INPP4B: variants seen among roughly 807,000 people sequenced by gnomAD.
INPP4B encodes inositol polyphosphate-4-phosphatase type II B, also known as inositol polyphosphate 4-phosphatase type II.
Under a neutral mutation model 122.5 loss-of-function variants are expected in INPP4B, and 55 were observed. The ratio of observed to expected loss-of-function variants is 0.45; its 90% CI spans 0.36 to 0.56. The LOEUF (loss-of-function observed/expected upper bound fraction) is 0.56. Among genes scored for constraint, INPP4B ranks in the 20% least tolerant of loss-of-function variants. The probability of loss-of-function intolerance (pLI) is 0.00; values close to 1 mark genes in which losing one functional copy is unlikely to be tolerated. For missense variants in INPP4B, 1,000 were observed against 1,097.7 expected (o/e 0.91, Z 1.26); for synonymous variants, 403 against 388.7 (o/e 1.04, Z -0.43).
chr4:142,120,314 G>A (rs2152743306), intron 21 of INPP4B, among the ~76,000 whole-genome samples: 1 of 152,104 alleles, frequency 6.6e-6, no homozygotes, highest in Middle Eastern at 3.4e-3. Context: ...CAAAATGTCT[G>A]GGTCCTTTGC....
intron 2 of INPP4B, among the ~76,000 whole-genome samples, chr4:142,537,810 A>G (rs1260654553): frequency 4.6e-5 from 7 of 151,418 alleles, no homozygotes; most frequent in Non-Finnish European, 8.9e-5. Flanking sequence ...ATAAAAAGCA[A>G]CTTACCACAG....
intron 1 of INPP4B, among the ~76,000 whole-genome samples, chr4:142,782,518 A>G (rs1483904631): frequency 6.6e-6 from 1 of 151,800 alleles, no homozygotes; most frequent in African/African-American, 2.4e-5. Context: ...TGGCTGGGTC[A>G]AATGGTATTT....
chr4:142,765,260 C>T (rs1771939436), intron 1 of INPP4B, among the ~76,000 whole-genome samples: 1 of 152,076 alleles, frequency 6.6e-6, no homozygotes, highest in Admixed American at 6.6e-5. Flanking sequence ...GATCCAGAAG[C>T]ACAGGTGAGG....
At chr4:142,811,426 T>C (rs996428607) in intron 1 of INPP4B, among the ~76,000 whole-genome samples, 5 of 152,220 alleles carry the variant, frequency 3.3e-5, no homozygotes, top group Admixed American at 2.0e-4. Context: ...CCAGCCACCC[T>C]CCAACTGCAT....
chr4:142,189,382 G>A (rs567113510), intron 15 of INPP4B, among the ~76,000 whole-genome samples: 1 of 152,214 alleles, frequency 6.6e-6, no homozygotes, highest in East Asian at 1.9e-4. Flanking sequence ...TGTTGTATTT[G>A]ATCTATAGCA....
chr4:142,562,633 A>G (rs947487221), intron 2 of INPP4B, among the ~76,000 whole-genome samples: 9 of 152,158 alleles, frequency 5.9e-5, no homozygotes, highest in Non-Finnish European at 7.4e-5. Context: ...TCCAGTTCCC[A>G]ACAGGTTGCA....
At chr4:142,693,483 T>TAAAA (rs554003993) in intron 2 of INPP4B, among the ~76,000 whole-genome samples, 2 of 52,438 alleles carry the variant, frequency 3.8e-5, no homozygotes, top group Non-Finnish European at 6.6e-5. Context: ...TGCCTTTTTC[T>TAAAA]AAAAAAAAAA....
intron 1 of INPP4B, among the ~76,000 whole-genome samples, chr4:142,742,352 T>C (rs1011065105): frequency 3.9e-5 from 6 of 152,046 alleles, no homozygotes; most frequent in Admixed American, 1.3e-4. Context: ...ATTTTTAACT[T>C]GCAATTTTCC....
chr4:142,223,765 A>G (rs982514949), intron 12 of INPP4B, among the ~76,000 whole-genome samples: 1 of 152,202 alleles, frequency 6.6e-6, no homozygotes, highest in Non-Finnish European at 1.5e-5. Context: ...CATTGCATAA[A>G]GAAGAATGAA....
intron 2 of INPP4B, among the ~76,000 whole-genome samples, chr4:142,526,441 T>C (rs1413147910): frequency 1.3e-5 from 2 of 152,024 alleles, no homozygotes; most frequent in African/African-American, 4.8e-5. Context: ...CTCCCTTCAA[T>C]AACCTGTCAG....
At chr4:142,689,356 G>A (rs1759825293) in intron 2 of INPP4B, among the ~76,000 whole-genome samples, 1 of 152,078 alleles carries the variant, frequency 6.6e-6, no homozygotes, top group African/African-American at 2.4e-5. Flanking sequence ...TAATTTACAT[G>A]TTTGTTGGGT....
chr4:142,618,072 T>C (rs1487486896), intron 2 of INPP4B, among the ~76,000 whole-genome samples: 1 of 152,152 alleles, frequency 6.6e-6, no homozygotes, highest in Non-Finnish European at 1.5e-5. Flanking sequence ...TTTTATATAC[T>C]TCATGTGCTA....
At chr4:142,255,497 A>G (rs978592709) in intron 11 of INPP4B, among the ~76,000 whole-genome samples, 2 of 152,142 alleles carry the variant, frequency 1.3e-5, no homozygotes, top group Admixed American at 6.5e-5. Context: ...TCAAAATAAA[A>G]GGATGGAGGA....
intron 2 of INPP4B, among the ~76,000 whole-genome samples, chr4:142,537,506 T>C (rs1463901849): frequency 1.0e-5 from 1 of 100,036 alleles, no homozygotes; most frequent in Non-Finnish European, 2.2e-5. Flanking sequence ...ACACATAAAG[T>C]GAGTCCTCAC....
chr4:142,606,947 CATT>C (rs1741395365), intron 2 of INPP4B, among the ~76,000 whole-genome samples: 1 of 151,936 alleles, frequency 6.6e-6, no homozygotes, highest in South Asian at 2.1e-4. Context: ...AATGCATAAT[CATT>C]ATAGAATAAT....
chr4:142,773,810 G>T (rs981521238), intron 1 of INPP4B, among the ~76,000 whole-genome samples: 1 of 152,170 alleles, frequency 6.6e-6, no homozygotes, highest in East Asian at 1.9e-4. Flanking sequence ...TAAAATTTCT[G>T]CTGTTGTTGT....
intron 2 of INPP4B, among the ~76,000 whole-genome samples, chr4:142,625,722 A>G (rs1286517730): frequency 6.6e-6 from 1 of 152,186 alleles, no homozygotes; most frequent in African/African-American, 2.4e-5. Context: ...ACACTACCTG[A>G]TTTCAAACTA....
intron 2 of INPP4B, among the ~76,000 whole-genome samples, chr4:142,666,375 TA>T (rs530231504): frequency 6.6e-6 from 1 of 151,898 alleles, no homozygotes; most frequent in African/African-American, 2.4e-5. Flanking sequence ...AATACAAAGA[TA>T]AAAAAGAGTT....
At chr4:142,519,399 A>T (rs906383364) in intron 2 of INPP4B, among the ~76,000 whole-genome samples, 1 of 152,156 alleles carries the variant, frequency 6.6e-6, no homozygotes, top group East Asian at 1.9e-4. Flanking sequence ...GCATAAGCAG[A>T]CTACTGCTGA....
Sources: gnomAD v4.1 joint callset for allele counts (sites outside exome capture counted in the v4.1 genomes callset) on GRCh38, gnomAD v4.1.1 for gene constraint, MANE v1.5 for transcripts, NCBI Gene and HGNC (gene_info 2026-07-23, HGNC 2026-07-21) for gene names.